Variants in WDR27 observed in about 807,000 individuals in gnomAD.
WDR27 encodes WD repeat domain 27.
WDR27 carries 100 observed loss-of-function variants against 114.4 expected under a neutral mutation model. The ratio of observed to expected loss-of-function variants is 0.87; its 90% confidence interval spans 0.74 to 1.03. The LOEUF (loss-of-function observed/expected upper bound fraction) is 1.03, where lower values mean the gene tolerates loss of function less well. Among genes scored for constraint, WDR27 ranks in the 50% least tolerant of loss-of-function variants. WDR27 has a pLI of 0.00. For synonymous variants in WDR27, 449 were observed against 423.1 expected, an observed-to-expected ratio of 1.06 and a Z score of -0.75; for missense variants, 1,129 against 1,092.9, an observed-to-expected ratio of 1.03 and a Z score of -0.47.
chr6:169,600,755 G>C (rs1807814346), intron 23 of WDR27, among the ~76,000 whole-genome samples: 1 of 152,136 alleles, frequency 6.6e-6, no homozygotes, highest in South Asian at 2.1e-4. Flanking sequence ...GAAAAGAGAA[G>C]TTTAGAGAAA....
At chr6:169,548,538 G>T (rs970721530) in intron 25 of WDR27, among the ~76,000 whole-genome samples, 5 of 152,092 alleles carry the variant, frequency 3.3e-5, no homozygotes, top group African/African-American at 4.8e-5. Flanking sequence ...AAAAGCAAAA[G>T]ACCTTTCATA....
At chr6:169,578,979 A>C (rs9283859) in intron 24 of WDR27, among the ~76,000 whole-genome samples, 68,652 of 152,046 alleles carry the variant, frequency 0.45, 19,591 homozygotes, top group Non-Finnish European at 0.64. Flanking sequence ...CCAGCACCCT[A>C]GGTACACGGC....
chr6:169,591,410 T>C (rs1171350742), intron 23 of WDR27, among the ~76,000 whole-genome samples: 2 of 152,234 alleles, frequency 1.3e-5, no homozygotes, highest in African/African-American at 4.8e-5. Context: ...TCCATTCTAC[T>C]TGTCTGCAAT....
At chr6:169,597,339 T>TC (rs1476766788) in intron 23 of WDR27, among the ~76,000 whole-genome samples, 1 of 152,166 alleles carries the variant, frequency 6.6e-6, no homozygotes, top group African/African-American at 2.4e-5. Context: ...TATTATGTTT[T>TC]TTTTTCTTGA....
intron 24 of WDR27, among the ~76,000 whole-genome samples, chr6:169,578,151 C>A (rs548522923): frequency 1.3e-5 from 2 of 152,320 alleles, no homozygotes; most frequent in African/African-American, 4.8e-5. Flanking sequence ...AACGCAGGTC[C>A]TTCTGAGATT....
chr6:169,628,612 A>G (rs1217998724), intron 21 of WDR27, among the ~76,000 whole-genome samples: 1 of 152,212 alleles, frequency 6.6e-6, no homozygotes, highest in Admixed American at 6.5e-5. Flanking sequence ...GGGTAATGCC[A>G]GTTCAGATGC....
At chr6:169,530,322 C>A (rs1795436582) in intron 25 of WDR27, among the ~76,000 whole-genome samples, 1 of 152,172 alleles carries the variant, frequency 6.6e-6, no homozygotes, top group African/African-American at 2.4e-5. Context: ...CATTCTAGCT[C>A]AAGAGAAACC....
intron 22 of WDR27, among the ~76,000 whole-genome samples, chr6:169,604,869 CA>C (rs997771901): frequency 4.0e-5 from 6 of 150,158 alleles, no homozygotes; most frequent in Non-Finnish European, 8.9e-5. Context: ...TCAATAAATG[CA>C]AAAAAAAGCA....
intron 25 of WDR27, among the ~76,000 whole-genome samples, chr6:169,462,844 A>G (rs1338127098): frequency 2.0e-5 from 3 of 152,234 alleles, no homozygotes; most frequent in Non-Finnish European, 2.9e-5. Flanking sequence ...TCATTAATAA[A>G]ATTAATGATA....
chr6:169,693,788 A>T (rs1200646974), intron 1 of WDR27, among the ~76,000 whole-genome samples: 3 of 152,172 alleles, frequency 2.0e-5, no homozygotes, highest in Admixed American at 2.0e-4. Context: ...CCAATAGGAA[A>T]ATATCACAAT....
At chr6:169,589,986 A>C (rs1298842020) in intron 23 of WDR27, among the ~76,000 whole-genome samples, 2 of 152,290 alleles carry the variant, frequency 1.3e-5, no homozygotes, top group Non-Finnish European at 2.9e-5. Context: ...TTTCAGGCAA[A>C]AGATGAGGAT....
chr6:169,621,412 AT>A (rs1813169067), intron 21 of WDR27, among the ~76,000 whole-genome samples: 2 of 152,200 alleles, frequency 1.3e-5, no homozygotes, highest in African/African-American at 4.8e-5. Flanking sequence ...ATGCCTATAC[AT>A]ACACACACGC....
intron 25 of WDR27, among the ~76,000 whole-genome samples, chr6:169,554,890 G>C (rs1247744668): frequency 6.6e-6 from 1 of 152,094 alleles, no homozygotes; most frequent in Non-Finnish European, 1.5e-5. Context: ...ATTCTGTGTG[G>C]TAGATGTATA....
intron 18 of WDR27, among the ~76,000 whole-genome samples, chr6:169,637,739 C>T (rs1282010360): frequency 2.8e-5 from 4 of 140,688 alleles, no homozygotes; most frequent in South Asian, 2.3e-4. Context: ...TGTGTGAATA[C>T]GTGGTAAGTA....
chr6:169,455,566 CAG>C (rs1784315971), downstream of WDR27, among the ~76,000 whole-genome samples: 1 of 152,258 alleles, frequency 6.6e-6, no homozygotes, highest in Non-Finnish European at 1.5e-5. Flanking sequence ...CATCCACTCA[CAG>C]CACCACCTAC....
Position 169,602,291 on chromosome 6 carries a change from G to A in WDR27, c.2352C>T (p.Thr784=). 1 of 1,563,568 alleles carries A rather than the reference G, an allele frequency of 6.4e-7. No individual in the cohort carries two copies. Among genetic ancestry groups the A allele is most frequent in the East Asian group, 2.4e-5 (1 of 42,266 alleles). The change falls in exon 23 of 26, where the codon ACC becomes ACT. Residue 784 remains threonine, a synonymous_variant. Coordinates refer to ENST00000448612, the MANE Select transcript of WDR27 (RefSeq NM_182552.5). ...RCERHFEGHP[T]RGYPCGIAFS... is the part of the protein sequence containing the mutation. The stretch of plus-strand genomic sequence containing the variant: ...AAGCGATTCCACATGGATAGCCGCG[G>A]GTTGGATGCCCTTCAAAGTGGCGCT...
At position 169,596,998 on chromosome 6, in the gene WDR27, A is replaced by T. The variant is rs185081720; in HGVS notation, c.2424+5221T>A. On this transcript the variant is annotated intron_variant, in intron 23 of 25. Transcript: ENST00000448612. ...GTTATTGGGTGCATACAGGTTTATG[A>T]CATTTTCTACATAAATTGGCATCTT... 3.1e-3 allele frequency among the ~76,000 whole-genome samples: 469 copies of T among 152,298 alleles called. 1 individual carries two copies. The highest frequency in any genetic ancestry group is 6.8e-3 in the Middle Eastern group (2 of 294).
At chr6:169,432,762 T>A in the WDR27 span, among the ~76,000 whole-genome samples, 4 of 152,136 alleles carry the variant, frequency 2.6e-5, no homozygotes, top group Non-Finnish European at 5.9e-5. Flanking sequence ...TACCAGGTAG[T>A]GGGGCACTGC....
intron 25 of WDR27, among the ~76,000 whole-genome samples, chr6:169,496,571 AGAACAAAT>A (rs1382647401): frequency 6.6e-6 from 1 of 152,090 alleles, no homozygotes; most frequent in African/African-American, 2.4e-5. Flanking sequence ...AAAGTGTGTT[AGAACAAAT>A]GAATATAGCA....
Sources: allele counts gnomAD v4.1 joint callset (sites outside exome capture counted in the v4.1 genomes callset), GRCh38; gene constraint gnomAD v4.1.1; transcripts MANE v1.5; gene names NCBI Gene and HGNC (gene_info 2026-07-23, HGNC 2026-07-21).